UNC13C: variants seen among roughly 807,000 people sequenced by gnomAD.
The protein encoded by UNC13C is protein unc-13 homolog C.
Under a neutral mutation model 245.4 loss-of-function variants are expected in UNC13C, and 174 were observed. The observed-to-expected ratio is 0.71, with a 90% CI of 0.63 to 0.80. The LOEUF (loss-of-function observed/expected upper bound fraction) is 0.80. Ranked by LOEUF, UNC13C falls within the 30% of genes least tolerant of loss-of-function variation. UNC13C has a pLI of 0.00. For missense variants in UNC13C, 2,829 were observed against 2,602.9 expected (o/e 1.09, Z -1.89); for synonymous variants, 992 against 895.1 (o/e 1.11, Z -1.93).
At chr15:54,560,247 C>A (rs961268354) in intron 29 of UNC13C, among the ~76,000 whole-genome samples, 11 of 151,746 alleles carry the variant, frequency 7.2e-5, no homozygotes, top group East Asian at 1.9e-4. Context: ...AAAGGGAATT[C>A]TTCTTATAAT....
At chr15:54,488,998 A>C in intron 19 of UNC13C, among the ~76,000 whole-genome samples, 1 of 152,188 alleles carries the variant, frequency 6.6e-6, no homozygotes. Flanking sequence ...TTTGAGTAGA[A>C]ATAAAGGTAA....
At chr15:54,598,801 CA>C (rs1899239948) in intron 30 of UNC13C, among the ~76,000 whole-genome samples, 1 of 152,106 alleles carries the variant, frequency 6.6e-6, no homozygotes, top group Admixed American at 6.6e-5. Flanking sequence ...AACATTCATG[CA>C]CTTGTCATTT....
the UNC13C span, among the ~76,000 whole-genome samples, chr15:53,923,532 C>T: frequency 6.6e-6 from 1 of 152,164 alleles, no homozygotes; most frequent in South Asian, 2.1e-4. Context: ...CCCCTATGAC[C>T]CTTGAGCCAT....
chr15:54,199,150 A>C (rs1406852972), intron 4 of UNC13C, among the ~76,000 whole-genome samples: 1 of 152,080 alleles, frequency 6.6e-6, no homozygotes, highest in African/African-American at 2.4e-5. Flanking sequence ...CAAAGAAAAA[A>C]GATTTTTAAG....
At chr15:54,160,247 A>G (rs2032920969) in intron 4 of UNC13C, among the ~76,000 whole-genome samples, 1 of 151,740 alleles carries the variant, frequency 6.6e-6, no homozygotes, top group Non-Finnish European at 1.5e-5. Context: ...GATCTAGGTC[A>G]TGGGAGAAAG....
chr15:54,294,592 A>C (rs2037382931), intron 11 of UNC13C, among the ~76,000 whole-genome samples: 1 of 152,128 alleles, frequency 6.6e-6, no homozygotes. Context: ...TGATTTAAAA[A>C]ATTATTATGG....
intron 2 of UNC13C, among the ~76,000 whole-genome samples, chr15:54,037,831 G>A (rs1896635141): frequency 6.6e-6 from 1 of 151,354 alleles, no homozygotes; most frequent in Non-Finnish European, 1.5e-5. Context: ...TTTTCTTTGT[G>A]TACTATTAAT....
At chr15:54,235,135 C>T (rs970946009) in intron 5 of UNC13C, 27 bp downstream of exon 5, 11 of 1,598,506 alleles carry the variant, frequency 6.9e-6, no homozygotes, top group African/African-American at 1.3e-5. Flanking sequence ...TAATTCTCTT[C>T]GATTGCATGT....
intron 19 of UNC13C, among the ~76,000 whole-genome samples, chr15:54,438,446 A>G (rs1422890111): frequency 6.6e-6 from 1 of 151,982 alleles, no homozygotes; most frequent in South Asian, 2.1e-4. Context: ...AAGCAAGCAC[A>G]TTTTTAAAAT....
At chr15:54,567,452 GA>G (rs1897564206) in intron 29 of UNC13C, among the ~76,000 whole-genome samples, 2 of 152,108 alleles carry the variant, frequency 1.3e-5, no homozygotes, top group Admixed American at 1.3e-4. Context: ...TCATATTCAA[GA>G]AACAGAAGTC....
chr15:54,253,581 A>T (rs1596088906), intron 8 of UNC13C, among the ~76,000 whole-genome samples: 2 of 152,342 alleles, frequency 1.3e-5, no homozygotes, highest in African/African-American at 4.8e-5. Flanking sequence ...TCGCCTAAAA[A>T]GACATTTAGA....
chr15:54,463,814 T>A (rs746797627), intron 19 of UNC13C, among the ~76,000 whole-genome samples: 5 of 152,116 alleles, frequency 3.3e-5, no homozygotes, highest in Non-Finnish European at 7.3e-5. Flanking sequence ...AAAGGCAGAA[T>A]TCTTGAAATT....
At chr15:54,554,309 C>T (rs940928237) in intron 28 of UNC13C, among the ~76,000 whole-genome samples, 1 of 151,950 alleles carries the variant, frequency 6.6e-6, no homozygotes, top group African/African-American at 2.4e-5. Context: ...AATAGAAGGA[C>T]AAGCCACTGG....
At chr15:53,853,090 T>C in the UNC13C span, among the ~76,000 whole-genome samples, 1 of 152,060 alleles carries the variant, frequency 6.6e-6, no homozygotes, top group African/African-American at 2.4e-5. Context: ...ACTTGTGCCA[T>C]GGTGGTTTGC....
chr15:53,991,078 C>A (rs995749118), intron 1 of UNC13C, among the ~76,000 whole-genome samples: 3 of 151,952 alleles, frequency 2.0e-5, no homozygotes, highest in Non-Finnish European at 4.4e-5. Flanking sequence ...GGGCACAGTA[C>A]CATGGGATAG....
Position 54,300,352 on chromosome 15 carries a change from A to C in UNC13C, c.4247A>C (p.Glu1416Ala), listed in dbSNP as rs1470382704. The change falls in exon 13 of 33, where the codon GAA becomes GCA. Residue 1416 changes from glutamate to alanine, a missense_variant. Coordinates refer to ENST00000260323, the MANE Select transcript of UNC13C (RefSeq NM_001080534.3). ...GAATTTGCTATGCGTTATGGAATTG[A>C]ATCCATTTATCAAGCTATGACGTAA... ...VDEFAMRYGI[E>A]SIYQAMTHFS... The C allele has an allele frequency of 6.3e-7, 1 of 1,577,474 alleles. No homozygotes were observed. Among genetic ancestry groups the C allele is most frequent in the Non-Finnish European group, 8.6e-7 (1 of 1,159,918 alleles).
At chr15:54,054,071 G>A (rs1357421107) in intron 2 of UNC13C, among the ~76,000 whole-genome samples, 1 of 152,170 alleles carries the variant, frequency 6.6e-6, no homozygotes, top group Non-Finnish European at 1.5e-5. Flanking sequence ...ATTGTGAATA[G>A]TGCTGCAGTA....
intron 17 of UNC13C, among the ~76,000 whole-genome samples, chr15:54,343,496 C>G (rs910763170): frequency 1.3e-5 from 2 of 152,222 alleles, no homozygotes; most frequent in African/African-American, 4.8e-5. Context: ...ACTCCTCACA[C>G]TCCTGAACCA....
chr15:54,055,534 AG>A (rs1378050333), intron 2 of UNC13C, among the ~76,000 whole-genome samples: 2 of 152,164 alleles, frequency 1.3e-5, no homozygotes, highest in Non-Finnish European at 2.9e-5. Flanking sequence ...TGATCAACTG[AG>A]GGATTTTAGT....
Sources: allele counts gnomAD v4.1 joint callset (sites outside exome capture counted in the v4.1 genomes callset), GRCh38; gene constraint gnomAD v4.1.1; transcripts MANE v1.5; gene names NCBI Gene and HGNC (gene_info 2026-07-23, HGNC 2026-07-21).